The following DLG5 variants were observed in gnomAD, a reference collection of about 807,000 sequenced individuals.
The protein encoded by DLG5 is discs large MAGUK scaffold protein 5.
A neutral mutation model predicts 189.8 loss-of-function variants in DLG5; 48 were observed. That is an observed-to-expected ratio of 0.25 (90% CI 0.20 to 0.32). DLG5 has a LOEUF of 0.32. DLG5 is among the 10% of genes least tolerant of loss of function. DLG5 has a pLI of 1.00. For synonymous variants in DLG5, 1,016 were observed against 1,054.1 expected (o/e 0.96, Z 0.70); for missense variants, 2,160 against 2,544.7 (o/e 0.85, Z 3.25).
intron 1 of DLG5, among the ~76,000 whole-genome samples, chr10:77,925,986 T>G (rs933577152): frequency 6.6e-6 from 1 of 152,110 alleles, no homozygotes; most frequent in Non-Finnish European, 1.5e-5. Context: ...TCGAGGCACC[T>G]GAGAGTGAAG....
chr10:77,799,062 A>G (rs975488288), intron 27 of DLG5, among the ~76,000 whole-genome samples: 4 of 152,210 alleles, frequency 2.6e-5, no homozygotes, highest in African/African-American at 7.2e-5. Flanking sequence ...AATTTAGGAG[A>G]TTCTTTTTCC....
intron 5 of DLG5, among the ~76,000 whole-genome samples, chr10:77,847,952 C>T (rs1379019154): frequency 6.6e-6 from 1 of 152,064 alleles, no homozygotes; most frequent in Non-Finnish European, 1.5e-5. Flanking sequence ...AGTGATACAC[C>T]CACTTTGGCT....
Position 77,794,109 on chromosome 10 carries a change from C to T in DLG5, c.5555G>A (p.Arg1852Lys), listed in dbSNP as rs766018250. The T allele has an allele frequency of 1.9e-6, 3 of 1,614,082 alleles. No homozygotes were observed. The East Asian group carries it at 6.7e-5, about 36-fold the overall frequency. ...CTTGTCCCTCAGGTAGATGGGGTCTCTCTGCTCCCTGTGGGGACAGCCAGA... is the reference window on the plus strand; with the variant it reads ...CTTGTCCCTCAGGTAGATGGGGTCTTTCTGCTCCCTGTGGGGACAGCCAGA... ...YKSAKHIKEQ[R>K]DPIYLRDKVT... The change falls in exon 31 of 32, where the codon AGA becomes AAA. Residue 1852 changes from arginine (R) to lysine (K), a missense_variant. Arg to Lys is a conservative substitution (Grantham distance 26). Coordinates refer to ENST00000372391, the MANE Select transcript of DLG5 (RefSeq NM_004747.4).
At chr10:77,933,583 G>A in the DLG5 span, among the ~76,000 whole-genome samples, 4 of 152,184 alleles carry the variant, frequency 2.6e-5, no homozygotes, top group East Asian at 3.9e-4. Context: ...GGTGAGCCAC[G>A]GTGCCCGGCT....
chr10:77,935,973 T>C, the DLG5 span, among the ~76,000 whole-genome samples: 1 of 152,240 alleles, frequency 6.6e-6, no homozygotes, highest in East Asian at 1.9e-4. Flanking sequence ...AATGCCATAT[T>C]GCACACACCT....
the DLG5 span, among the ~76,000 whole-genome samples, chr10:77,932,553 C>T: frequency 6.6e-6 from 1 of 152,140 alleles, no homozygotes; most frequent in Admixed American, 6.5e-5. Flanking sequence ...AATCCCAGCA[C>T]TTTGGAAGGC....
chr10:77,871,536 C>CTTTTTTTTTTTTT (rs34326711), intron 1 of DLG5, among the ~76,000 whole-genome samples: 2 of 83,912 alleles, frequency 2.4e-5, no homozygotes, highest in Admixed American at 1.9e-4. Flanking sequence ...AAGCATCACA[C>CTTTTTTTTTTTTT]TTTTTTTTTT....
At chr10:77,844,378 C>T (rs888883781) in intron 5 of DLG5, among the ~76,000 whole-genome samples, 4 of 152,192 alleles carry the variant, frequency 2.6e-5, no homozygotes, top group African/African-American at 4.8e-5. Context: ...CCCCCTTTGC[C>T]GACTTTGCTC....
intron 1 of DLG5, among the ~76,000 whole-genome samples, chr10:77,914,466 G>A (rs35434985): frequency 0.014 from 2,182 of 152,268 alleles, 25 homozygotes; most frequent in Non-Finnish European, 0.024. Context: ...CTACAGATGG[G>A]GAAGAGAAAG....
chr10:77,819,384 C>G lies in DLG5; in HGVS notation c.3608G>C (p.Arg1203Thr), dbSNP rs756747398. 6.2e-7 allele frequency: 1 copy of G among 1,614,082 alleles called. No individual in the cohort carries two copies. Among genetic ancestry groups the G allele is most frequent in the South Asian group, 1.1e-5 (1 of 91,078 alleles). Residue 1203 changes from arginine to threonine, a missense_variant, in exon 17 of 32, where the codon AGG (arginine) becomes ACG (threonine). Physicochemically the swap from Arg to Thr is moderately conservative, Grantham distance 71 (BLOSUM62 -1). This residue lies in a region of DLG5 where 754 missense variants were observed against 746.5 expected (regional missense o/e 1.01). Transcript: ENST00000372391. The part of the protein sequence containing the change: ...RNPIYTVRSH[R>T]VGPCSSPPAA... ...AGGTGGAGAGCTGCAGGGGCCGACC[C>G]TGTGACTGCGCACAGTGTAGATGGG... is the stretch of plus-strand genomic sequence containing the variant.
intron 1 of DLG5, among the ~76,000 whole-genome samples, chr10:77,917,033 G>C (rs1244723328): frequency 6.6e-6 from 1 of 151,502 alleles, no homozygotes; most frequent in East Asian, 1.9e-4. Flanking sequence ...AGACAAATCT[G>C]TATTGACTTC....
rs73299480 is a variant in DLG5, at chr10:77,820,032, G to A, written c.3403-14C>T. 4.6e-4 allele frequency: 743 copies of A among 1,612,530 alleles called. 2 individuals are homozygous for A. In the African/African-American group the frequency reaches 7.8e-3, roughly 17 times the overall value. ...ACACTTCTGTTCCTGCAGATGCAAG[G>A]GCAAGAGTGTCTGCTAGAAAGAGTG... On this transcript the variant is annotated splice_polypyrimidine_tract_variant and intron_variant, in intron 15 of 31. Transcript: ENST00000372391.
intron 25 of DLG5, among the ~76,000 whole-genome samples, chr10:77,807,256 A>G (rs1841524035): frequency 6.6e-6 from 1 of 151,998 alleles, no homozygotes; most frequent in South Asian, 2.1e-4. Context: ...GTTCCTACAG[A>G]CTGGAATCTC....
intron 1 of DLG5, among the ~76,000 whole-genome samples, chr10:77,914,944 G>A (rs1265159896): frequency 3.3e-5 from 5 of 152,112 alleles, no homozygotes; most frequent in Admixed American, 2.0e-4. Flanking sequence ...GAACTCCATA[G>A]GGGAAACAGG....
In DLG5 at chr10:77,926,485, A is replaced by G; in HGVS notation, c.36T>C (p.Cys12=). 4 of 1,446,428 alleles carry G rather than the reference A, an allele frequency of 2.8e-6. No individual in the cohort carries two copies. Among genetic ancestry groups the G allele is most frequent in the Non-Finnish European group, 3.7e-6 (4 of 1,094,238 alleles). The allele number at this position is 1,446,428 out of a possible 1,614,324, so 89.6% of individuals were successfully genotyped here. ...EPQRRELLAQ[C]QQSLAQAMTE... ...TCATGGCCTGGGCCAGGCTCTGCTG[A>G]CACTGGGCGAGCAGCTCCCGGCGCT... The change falls in exon 1 of 32, where the codon TGT becomes TGC. Residue 12 remains cysteine, a synonymous_variant. Coordinates refer to ENST00000372391, the MANE Select transcript of DLG5 (RefSeq NM_004747.4). The surrounding 1 kb of genome is among the most constrained non-coding windows in gnomAD (Gnocchi z 5.2).
At chr10:77,838,177 T>C (rs1184491336) in intron 7 of DLG5, among the ~76,000 whole-genome samples, 1 of 152,178 alleles carries the variant, frequency 6.6e-6, no homozygotes, top group African/African-American at 2.4e-5. Context: ...TGTAGCTGCA[T>C]GTGTAACTGC....
intron 7 of DLG5, 110 bp from the exon 8 acceptor site, chr10:77,836,032 G>T: frequency 8.5e-7 from 1 of 1,169,716 alleles, no homozygotes; most frequent in Non-Finnish European, 1.2e-6. Context: ...GCTGGATGGA[G>T]GGAAACACGG....
chr10:77,811,093 C>A lies in DLG5; in HGVS notation c.4463+1G>T. The A allele has an allele frequency of 6.2e-7, 1 of 1,611,028 alleles. No homozygotes were observed. The highest frequency in any genetic ancestry group is 8.5e-7 in the Non-Finnish European group (1 of 1,179,766). On this transcript the variant is annotated splice_donor_variant, in intron 23 of 31. Coordinates refer to ENST00000372391, the MANE Select transcript of DLG5 (RefSeq NM_004747.4). LOFTEE classifies it high-confidence loss of function. ...GAAGGCTCACAGCAACGTCTGCTGA[C>A]CTGGAGCTGCTCTGCTTGGCTGGGG...
At chr10:77,920,266 T>G (rs1321967988) in intron 1 of DLG5, among the ~76,000 whole-genome samples, 1 of 152,186 alleles carries the variant, frequency 6.6e-6, no homozygotes, top group Non-Finnish European at 1.5e-5. Flanking sequence ...GTGAAGTAGT[T>G]AGTGTTTTAA....
Sources: gnomAD v4.1 joint callset for allele counts (sites outside exome capture counted in the v4.1 genomes callset) on GRCh38, gnomAD v4.1.1 for gene constraint, gnomAD v4.1.1 regional missense constraint, Gnocchi (gnomAD v3.1) non-coding constraint, MANE v1.5 for transcripts, NCBI Gene and HGNC (gene_info 2026-07-23, HGNC 2026-07-21) for gene names.